The following PRIMA1 variants were observed in gnomAD, a reference collection of about 807,000 sequenced individuals.
PRIMA1 encodes proline-rich membrane anchor 1.
In PRIMA1, 7 loss-of-function variants were observed where a neutral mutation model predicts 17.5. The observed-to-expected ratio is 0.40, with a 90% CI of 0.23 to 0.75. The LOEUF (loss-of-function observed/expected upper bound fraction) is 0.75, where lower values mean the gene tolerates loss of function less well. Ranked by LOEUF, PRIMA1 falls within the 30% of genes least tolerant of loss-of-function variation. The probability of loss-of-function intolerance (pLI) is 0.37; values close to 1 mark genes in which losing one functional copy is unlikely to be tolerated. For missense variants in PRIMA1, 200 were observed against 201.8 expected (o/e 0.99, Z 0.05); for synonymous variants, 97 against 77.9 (o/e 1.25, Z -1.29).
chr14:93,777,618 G>A (rs1009288446), intron 3 of PRIMA1, among the ~76,000 whole-genome samples: 2 of 152,216 alleles, frequency 1.3e-5, no homozygotes, highest in Non-Finnish European at 2.9e-5. Context: ...TTACAGGCAT[G>A]AGCCACTGTG....
At chr14:93,734,712 C>T (rs2141158979) in intron 4 of PRIMA1, among the ~76,000 whole-genome samples, 1 of 152,074 alleles carries the variant, frequency 6.6e-6, no homozygotes, top group Admixed American at 6.5e-5. Context: ...CCCGCCCATG[C>T]CTCTAGAAGA....
intron 4 of PRIMA1, among the ~76,000 whole-genome samples, chr14:93,725,431 T>A (rs2076068662): frequency 6.6e-6 from 1 of 152,076 alleles, no homozygotes; most frequent in Admixed American, 6.5e-5. Context: ...GGGTGTTCCC[T>A]AAAGCGAAGA....
chr14:93,741,680 G>A (rs1306309098), intron 3 of PRIMA1, among the ~76,000 whole-genome samples: 1 of 152,198 alleles, frequency 6.6e-6, no homozygotes, highest in Non-Finnish European at 1.5e-5. Flanking sequence ...CGCATGAATT[G>A]CTAATACAGA....
chr14:93,779,234 AGGGGGCCGGCACTGGCAGACGTGTC>A lies in PRIMA1; in HGVS notation c.146_170del (p.Arg49LeufsTer38). ...GTGGGGGCGGCGGGGGCAGCGGGGGAGGGGGCCGGCACTGGCAGACGTGTCGGCAGCTGTCAGTCACTTTGGAGCA... is the reference window on the plus strand; with the variant it reads ...GTGGGGGCGGCGGGGGCAGCGGGGGAGGCAGCTGTCAGTCACTTTGGAGCA... On this transcript the variant is annotated frameshift_variant, in exon 3 of 5. Coordinates refer to ENST00000393140, the MANE Select transcript of PRIMA1 (RefSeq NM_178013.4). LOFTEE classifies it high-confidence loss of function. The A allele has an allele frequency of 1.2e-6, 1 of 831,606 alleles. No homozygotes were observed. The highest frequency in any genetic ancestry group is 3.2e-5 in the Admixed American group (1 of 31,236). 51.5% of individuals were successfully genotyped at this position (831,606 alleles called of 1,614,324 possible). A position where few individuals can be genotyped will look rare whatever the true frequency, so the allele number is the denominator to read the frequency against.
chr14:93,754,593 C>A (rs2141174709), intron 3 of PRIMA1, among the ~76,000 whole-genome samples: 1 of 152,240 alleles, frequency 6.6e-6, no homozygotes, highest in Middle Eastern at 3.4e-3. Context: ...CACCTTGGAT[C>A]ATAGGAGGGA....
At chr14:93,783,830 T>G (rs1458403012) in intron 2 of PRIMA1, among the ~76,000 whole-genome samples, 2 of 151,414 alleles carry the variant, frequency 1.3e-5, no homozygotes, top group East Asian at 3.9e-4. Flanking sequence ...AGGGACACAG[T>G]GTTCCCAGCA....
chr14:93,788,856 GCCCGCGTTGGCTC>G (rs1056175244), upstream of PRIMA1, among the ~76,000 whole-genome samples: 4 of 151,816 alleles, frequency 2.6e-5, no homozygotes, highest in Non-Finnish European at 5.9e-5. Flanking sequence ...CCCTCCCCGG[GCCCGCGTTGGCTC>G]CCCGCCTTTC....
At chr14:93,770,056 C>A (rs1412405937) in intron 3 of PRIMA1, among the ~76,000 whole-genome samples, 1 of 152,216 alleles carries the variant, frequency 6.6e-6, no homozygotes, top group Non-Finnish European at 1.5e-5. Context: ...CGCTCTCCCC[C>A]TACAGCCACA....
chr14:93,731,791 A>T lies in PRIMA1; in HGVS notation c.359+5450T>A, dbSNP rs189692942. 4.4e-3 allele frequency among the ~76,000 whole-genome samples: 673 copies of T among 152,326 alleles called. 9 individuals carry two copies. Among genetic ancestry groups the T allele is most frequent in the African/African-American group, 0.016 (651 of 41,568 alleles). Reference sequence around the variant, plus strand: ...ATCCCTTGTGCTTAGTCCCCAGCACACATTAGGTGCTCAATAAATGGATCA... The same window carrying T: ...ATCCCTTGTGCTTAGTCCCCAGCACTCATTAGGTGCTCAATAAATGGATCA... On this transcript the variant is annotated intron_variant, in intron 4 of 4. Coordinates refer to ENST00000393140, the MANE Select transcript of PRIMA1 (RefSeq NM_178013.4).
intron 3 of PRIMA1, among the ~76,000 whole-genome samples, chr14:93,766,430 C>T (rs976615732): frequency 3.3e-5 from 5 of 152,162 alleles, no homozygotes. Flanking sequence ...GACAAGAAGC[C>T]AGCCTCTAGC....
At chr14:93,771,717 C>T (rs1415042515) in intron 3 of PRIMA1, among the ~76,000 whole-genome samples, 1 of 152,124 alleles carries the variant, frequency 6.6e-6, no homozygotes, top group Non-Finnish European at 1.5e-5. Flanking sequence ...GGAAGGTCTT[C>T]CTGAAGAAAG....
At chr14:93,762,536 C>A (rs1884764800) in intron 3 of PRIMA1, among the ~76,000 whole-genome samples, 1 of 152,060 alleles carries the variant, frequency 6.6e-6, no homozygotes, top group South Asian at 2.1e-4. Flanking sequence ...ACAGTAGGCT[C>A]CCATCCGGAA....
chr14:93,733,921 G>C (rs984610084), intron 4 of PRIMA1, among the ~76,000 whole-genome samples: 3 of 152,182 alleles, frequency 2.0e-5, no homozygotes, highest in African/African-American at 7.2e-5. Flanking sequence ...GGAGCACTCT[G>C]CTCTGTAGGC....
chr14:93,773,845 G>A (rs1402239961), intron 3 of PRIMA1, among the ~76,000 whole-genome samples: 1 of 152,190 alleles, frequency 6.6e-6, no homozygotes, highest in Non-Finnish European at 1.5e-5. Context: ...TGTAATCCCA[G>A]CACTTTGGGA....
In PRIMA1 at chr14:93,719,809, A is replaced by C. The variant is rs12882501; in HGVS notation, c.*1635T>G. On this transcript the variant is annotated 3_prime_UTR_variant, in exon 5 of 5. Transcript: ENST00000393140. Reference sequence around the variant, plus strand: ...AAATCTAAACCCCAAACAAGTCCTCAAATAGAAGGAAATGAGGAAAGAAGA... The same window carrying C: ...AAATCTAAACCCCAAACAAGTCCTCCAATAGAAGGAAATGAGGAAAGAAGA... 903 of 152,544 alleles carry C rather than the reference A, an allele frequency of 5.9e-3. 4 individuals are homozygous for C. The highest frequency in any genetic ancestry group is 9.2e-3 in the Admixed American group (141 of 15,300). 9.4% of individuals were successfully genotyped at this position (152,544 alleles called of 1,614,324 possible). A position where few individuals can be genotyped will look rare whatever the true frequency, so the allele number is the denominator to read the frequency against.
At chr14:93,761,581 T>G (rs927292883) in intron 3 of PRIMA1, among the ~76,000 whole-genome samples, 4 of 152,296 alleles carry the variant, frequency 2.6e-5, no homozygotes, top group Admixed American at 1.3e-4. Context: ...TTCAAGGGGC[T>G]AATTCCTTCT....
intron 3 of PRIMA1, among the ~76,000 whole-genome samples, chr14:93,745,788 T>G (rs1310112355): frequency 6.6e-6 from 1 of 152,246 alleles, no homozygotes; most frequent in African/African-American, 2.4e-5. Flanking sequence ...ACAGTGGTTA[T>G]CCACACGGGC....
intron 3 of PRIMA1, among the ~76,000 whole-genome samples, chr14:93,758,095 C>T (rs1464355857): frequency 2.0e-5 from 3 of 152,196 alleles, no homozygotes; most frequent in Non-Finnish European, 4.4e-5. Flanking sequence ...CCTTCACTTT[C>T]CTGTCCTGCC....
At chr14:93,778,908 G>T (rs1885299847) in intron 3 of PRIMA1, among the ~76,000 whole-genome samples, 1 of 151,798 alleles carries the variant, frequency 6.6e-6, no homozygotes, top group African/African-American at 2.4e-5. Flanking sequence ...CTGGCCTTCG[G>T]AACTATCCAG....
Sources: gnomAD v4.1 joint callset for allele counts (sites outside exome capture counted in the v4.1 genomes callset) on GRCh38, gnomAD v4.1.1 for gene constraint, MANE v1.5 for transcripts, NCBI Gene and HGNC (gene_info 2026-07-23, HGNC 2026-07-21) for gene names.